PLIN5: variants seen among roughly 807,000 people sequenced by gnomAD.
The protein encoded by PLIN5 is perilipin 5.
PLIN5 carries 34 observed loss-of-function variants against 32.8 expected under a neutral mutation model. The ratio of observed to expected loss-of-function variants is 1.04; its 90% CI spans 0.79 to 1.38. PLIN5 has a LOEUF of 1.38. PLIN5 is among the 40% of genes most tolerant of loss of function. The pLI, the probability that PLIN5 is intolerant of heterozygous loss-of-function variation, is 0.00. For synonymous variants in PLIN5, 309 were observed against 292.9 expected (o/e 1.05, Z -0.56); for missense variants, 712 against 660.5 (o/e 1.08, Z -0.85).
chr19:4,534,852 G>A (rs1976927427), intron 1 of PLIN5, among the ~76,000 whole-genome samples: 1 of 152,200 alleles, frequency 6.6e-6, no homozygotes, highest in Admixed American at 6.5e-5. Flanking sequence ...GACAGACAGG[G>A]CAACTGAGGT....
rs1357650321 is a variant in PLIN5, at chr19:4,523,058, G to C, written c.*470C>G. Reference sequence around the variant, plus strand: ...GCCTCACAACTAGCTGGGACTACAGGTGCACACCACCACACCTGGCTTTTT... The same window carrying C: ...GCCTCACAACTAGCTGGGACTACAGCTGCACACCACCACACCTGGCTTTTT... On this transcript the variant is annotated 3_prime_UTR_variant, in exon 8 of 8. Coordinates refer to ENST00000381848, the MANE Select transcript of PLIN5 (RefSeq NM_001013706.3). The surrounding 1 kb of genome is among the most constrained non-coding windows in gnomAD (Gnocchi z 5.0). 2 of 152,474 alleles carry C rather than the reference G, an allele frequency of 1.3e-5. No individual in the cohort carries two copies. Among genetic ancestry groups the C allele is most frequent in the African/African-American group, 4.9e-5 (2 of 41,202 alleles). The allele number at this position is 152,474 out of a possible 1,614,324, so 9.4% of individuals were successfully genotyped here.
intron 4 of PLIN5, 140 bp downstream of exon 4, chr19:4,529,644 C>T: frequency 1.7e-6 from 1 of 582,266 alleles, no homozygotes; most frequent in Admixed American, 2.6e-5. Flanking sequence ...CACACACACA[C>T]ACACACGTTG....
intron 5 of PLIN5, among the ~76,000 whole-genome samples, chr19:4,527,538 C>CAAAAAAA (rs1176219746): frequency 3.0e-4 from 9 of 29,678 alleles, no homozygotes; most frequent in South Asian, 2.1e-3. Flanking sequence ...GACTCCACTT[C>CAAAAAAA]AAAAAAAAAA....
In PLIN5 at chr19:4,531,536, G is replaced by A. The variant is rs934421028; in HGVS notation, c.256+91C>T. The A allele has an allele frequency of 6.2e-6, 8 of 1,300,500 alleles. No homozygotes were observed. The Admixed American group carries it at 8.7e-5, about 14-fold the overall frequency. The allele number at this position is 1,300,500 out of a possible 1,614,324, so 80.6% of individuals were successfully genotyped here. ...GCTAGGCTGAAGATGACCCCCAGGA[G>A]TGTCATGCAGATAGACCAAGGAGGA... On this transcript the variant is annotated intron_variant, in intron 3 of 7. Transcript: ENST00000381848.
intron 3 of PLIN5, among the ~76,000 whole-genome samples, chr19:4,530,123 G>A (rs1024728828): frequency 1.3e-5 from 2 of 152,148 alleles, no homozygotes; most frequent in African/African-American, 4.8e-5. Context: ...GGCGCCTGGA[G>A]AGAGAGTCTA....
Position 4,523,818 on chromosome 19 carries a change from C to G in PLIN5, c.1102G>C (p.Ala368Pro). 6.3e-7 allele frequency: 1 copy of G among 1,593,266 alleles called. No individual in the cohort carries two copies. The highest frequency in any genetic ancestry group is 8.5e-7 in the Non-Finnish European group (1 of 1,177,036). The change falls in exon 8 of 8, where the codon GCC (alanine) becomes CCC (proline). Residue 368 changes from alanine (A) to proline (P), a missense_variant. By Grantham distance (27) the Ala-to-Pro change is conservative. Transcript: ENST00000381848. This position sits in a 1 kb window ranked among gnomAD's most constrained non-coding sequence, Gnocchi z 5.0. ...VDELLELVVQAVPLPWLVGPF... is the reference protein window; with the variant it reads ...VDELLELVVQPVPLPWLVGPF... ...CCCACCAGCCAGGGCAGCGGCACGGCCTGCACCACCAGCTCCAGCAGCTCG... is the reference window on the plus strand; with the variant it reads ...CCCACCAGCCAGGGCAGCGGCACGGGCTGCACCACCAGCTCCAGCAGCTCG...
At position 4,531,773 on chromosome 19, in the gene PLIN5, G is replaced by A. The variant is rs1042094637; in HGVS notation, c.110C>T (p.Thr37Ile). The A allele has an allele frequency of 1.3e-6, 2 of 1,594,932 alleles. No individual in the cohort carries two copies. The highest frequency in any genetic ancestry group is 1.7e-5 in the Admixed American group (1 of 58,746). Residue 37 changes from threonine to isoleucine, a missense_variant, in exon 3 of 8, where the codon ACC (threonine) becomes ATC (isoleucine). Physicochemically the swap from Thr to Ile is moderately conservative, Grantham distance 89. Coordinates refer to ENST00000381848, the MANE Select transcript of PLIN5 (RefSeq NM_001013706.3). ...TGCACTGTAAACATCGCAGACCGCG[G>A]TGCACGTGGCCCTGACCAGGGGCAG... is the stretch of plus-strand genomic sequence containing the variant. ...VALPLVRATC[T>I]AVCDVYSAAK... is the part of the protein sequence containing the mutation.
Position 4,533,813 on chromosome 19 carries a change from T to C in PLIN5, c.60+202A>G, listed in dbSNP as rs1259573138. The C allele has an allele frequency of 7.2e-5, 45 of 621,998 alleles. 1 individual carries two copies. The East Asian group carries it at 1.2e-3, about 17-fold the overall frequency. The allele number at this position is 621,998 out of a possible 1,614,324, so 38.5% of individuals were successfully genotyped here. A position where few individuals can be genotyped will look rare whatever the true frequency, so the allele number is the denominator to read the frequency against. ...GGCCACAGAAGCCAGCTGGGTGTCT[T>C]TGAGAGACACTCCCCTCCCAGGGCC... On this transcript the variant is annotated intron_variant, in intron 2 of 7. Coordinates refer to ENST00000381848, the MANE Select transcript of PLIN5 (RefSeq NM_001013706.3).
At chr19:4,526,204 T>C (rs115688816) in intron 5 of PLIN5, among the ~76,000 whole-genome samples, 22 of 152,232 alleles carry the variant, frequency 1.4e-4, no homozygotes, top group African/African-American at 4.8e-4. Context: ...CCCAGGCACG[T>C]TGGTCCCAAA....
At position 4,529,636 on chromosome 19, in the gene PLIN5, C is replaced by T. The variant is rs558539777; in HGVS notation, c.339+148G>A. The T allele has an allele frequency of 0.021, 12,808 of 611,068 alleles. 944 individuals carry two copies. The highest frequency in any genetic ancestry group is 0.19 in the African/African-American group (9,759 of 52,652). 37.9% of individuals were successfully genotyped at this position (611,068 alleles called of 1,614,324 possible). A position where few individuals can be genotyped will look rare whatever the true frequency, so the allele number is the denominator to read the frequency against. On this transcript the variant is annotated intron_variant, in intron 4 of 7. Coordinates refer to ENST00000381848, the MANE Select transcript of PLIN5 (RefSeq NM_001013706.3). ...ACACACACACACACACACACACACA[C>T]ACACACACACACACGTTGCAGTTAT...
intron 2 of PLIN5, 149 bp from the exon 3 acceptor site, chr19:4,531,971 TA>T (rs1976892125): frequency 2.6e-6 from 2 of 762,058 alleles, no homozygotes; most frequent in Non-Finnish European, 3.9e-6. Context: ...GCAGTGAAGA[TA>T]AACGTGGATG....
At chr19:4,530,818 G>A (rs769572166) in intron 3 of PLIN5, among the ~76,000 whole-genome samples, 8 of 151,402 alleles carry the variant, frequency 5.3e-5, no homozygotes, top group Non-Finnish European at 7.4e-5. Context: ...GATTACAGGC[G>A]CCCTCCACCA....
rs751484811 is a variant in PLIN5 at position 4,523,601 on chromosome 19, T to A, written c.1319A>T (p.Asp440Val). The change falls in exon 8 of 8, where the codon GAC becomes GTC. Residue 440 changes from aspartate to valine, a missense_variant. By Grantham distance (152) the Asp-to-Val change is radical (BLOSUM62 -3). Transcript: ENST00000381848. This position sits in a 1 kb window ranked among gnomAD's most constrained non-coding sequence, Gnocchi z 5.0. ...GGTCTCGGGTTCCTGCTCGCAGATG[T>A]CCCCGGCAACACCCATCCTGTCCCC... ...GDGDRMGVAG[D>V]ICEQEPETPS... 1.0e-4 allele frequency: 161 copies of A among 1,607,040 alleles called. 1 individual carries two copies. In the East Asian group the frequency reaches 3.5e-3, roughly 35 times the overall value.
chr19:4,527,885 C>T (rs1976826500), intron 5 of PLIN5, among the ~76,000 whole-genome samples: 1 of 148,608 alleles, frequency 6.7e-6, no homozygotes, highest in Non-Finnish European at 1.5e-5. Context: ...GCCTGGCACA[C>T]AAGAAGTGCC....
At position 4,535,203 on chromosome 19, in the gene PLIN5, G is replaced by T. The variant is rs755463360; in HGVS notation, c.-60C>A. The T allele has an allele frequency of 6.6e-6, 1 of 151,982 alleles. No individual in the cohort carries two copies. The highest frequency in any genetic ancestry group is 1.5e-5 in the Non-Finnish European group (1 of 68,046). 9.4% of individuals were successfully genotyped at this position (151,982 alleles called of 1,614,324 possible). A position where few individuals can be genotyped will look rare whatever the true frequency, so the allele number is the denominator to read the frequency against. ...GCTTCAGACACCAGCTGTCTCCGCCGACCCCAGGCTCGAGTCTCCACACCC... is the reference window on the plus strand; with the variant it reads ...GCTTCAGACACCAGCTGTCTCCGCCTACCCCAGGCTCGAGTCTCCACACCC... On this transcript the variant is annotated 5_prime_UTR_variant, in exon 1 of 8. Transcript: ENST00000381848.
intron 7 of PLIN5, among the ~76,000 whole-genome samples, 190 bp from the exon 8 acceptor site, chr19:4,524,275 G>A (rs1348463098): frequency 6.6e-6 from 1 of 152,214 alleles, no homozygotes; most frequent in East Asian, 1.9e-4. Context: ...AATGGGGCCG[G>A]TCGCGGTGGC....
At chr19:4,532,265 C>T (rs1402034882) in intron 2 of PLIN5, 1 of 154,674 alleles carries the variant, frequency 6.5e-6, no homozygotes, top group Non-Finnish European at 1.4e-5. Flanking sequence ...GATCTCGGCT[C>T]AGCGCAACCT....
intron 5 of PLIN5, chr19:4,528,824 C>T (rs1976840849): frequency 7.5e-6 from 3 of 399,728 alleles, no homozygotes; most frequent in South Asian, 9.1e-5. Flanking sequence ...ATTTGGGGGC[C>T]ACCAGTTTGG....
At position 4,523,855 on chromosome 19, in the gene PLIN5, G is replaced by T. The variant is rs779314379; in HGVS notation, c.1065C>A (p.His355Gln). ...AEGRGRVAHAHACVDELLELV... is the reference protein window; with the variant it reads ...AEGRGRVAHAQACVDELLELV... The stretch of plus-strand genomic sequence containing the variant: ...GCTCCAGCAGCTCGTCCACGCAGGC[G>T]TGCGCGTGGGCCACGCGACCCCGGC... The change falls in exon 8 of 8, where the codon CAC becomes CAA. Residue 355 changes from histidine to glutamine, a missense_variant. His to Gln is a conservative substitution (Grantham distance 24, BLOSUM62 0). Coordinates refer to ENST00000381848, the MANE Select transcript of PLIN5 (RefSeq NM_001013706.3). The surrounding 1 kb of genome is among the most constrained non-coding windows in gnomAD (Gnocchi z 5.0). 1.3e-6 allele frequency: 2 copies of T among 1,558,690 alleles called. No individual in the cohort carries two copies. Among genetic ancestry groups the T allele is most frequent in the East Asian group, 4.7e-5 (2 of 42,938 alleles).
Sources: allele counts gnomAD v4.1 joint callset (sites outside exome capture counted in the v4.1 genomes callset), GRCh38; gene constraint gnomAD v4.1.1; non-coding constraint Gnocchi (gnomAD v3.1); transcripts MANE v1.5; gene names NCBI Gene and HGNC (gene_info 2026-07-23, HGNC 2026-07-21).